Variants in ARHGAP29 observed in about 807,000 individuals in gnomAD.
ARHGAP29 encodes the protein Rho GTPase activating protein 29, also known as rho GTPase-activating protein 29.
Under a neutral mutation model 122.6 loss-of-function variants are expected in ARHGAP29, and 43 were observed. The ratio of observed to expected loss-of-function variants is 0.35; its 90% confidence interval spans 0.27 to 0.45. The LOEUF is 0.45. Among genes scored for constraint, ARHGAP29 ranks in the 20% least tolerant of loss-of-function variants. The pLI, the probability that ARHGAP29 is intolerant of heterozygous loss-of-function variation, is 1.00. For synonymous variants in ARHGAP29, 506 were observed against 497.1 expected, an observed-to-expected ratio of 1.02 and a Z score of -0.24; for missense variants, 1,303 against 1,477.2, an observed-to-expected ratio of 0.88 and a Z score of 1.93.
the ARHGAP29 span, among the ~76,000 whole-genome samples, chr1:94,314,515 C>G: frequency 1.3e-5 from 2 of 152,178 alleles, no homozygotes; most frequent in African/African-American, 2.4e-5. Context: ...TCTCCTTTCC[C>G]TCGGCTTAAG....
intron 3 of ARHGAP29, among the ~76,000 whole-genome samples, chr1:94,211,121 C>T (rs1651575797): frequency 6.6e-6 from 1 of 151,128 alleles, no homozygotes; most frequent in Non-Finnish European, 1.5e-5. Context: ...CCCATCTCTA[C>T]TAAAAATACA....
intron 1 of ARHGAP29, among the ~76,000 whole-genome samples, chr1:94,244,496 CA>C (rs34924062): frequency 0.65 from 97,835 of 151,554 alleles, 31,656 homozygotes; most frequent in Middle Eastern, 0.82. Context: ...AGGGCATCTA[CA>C]AAAAAAACCG....
chr1:94,281,967 G>A, the ARHGAP29 span, among the ~76,000 whole-genome samples: 1 of 152,088 alleles, frequency 6.6e-6, no homozygotes, highest in African/African-American at 2.4e-5. Flanking sequence ...TAGGTGTGAG[G>A]GGAACTGTAT....
upstream of ARHGAP29, chr1:94,275,117 C>G (rs1236077337): frequency 6.6e-6 from 1 of 152,204 alleles, no homozygotes; most frequent in Non-Finnish European, 1.5e-5. Flanking sequence ...TTCTAGAACT[C>G]TGAGCCTAGC....
chr1:94,171,299 G>T lies in ARHGAP29; in HGVS notation c.*2570C>A, dbSNP rs1274679587. ...GTATCAAAACAAATACACTGCCTAA[G>T]GTACACTAAAAGTAATTTAACATAC... On this transcript the variant is annotated 3_prime_UTR_variant, in exon 23 of 23. Coordinates refer to ENST00000260526, the MANE Select transcript of ARHGAP29 (RefSeq NM_004815.4). Among the ~76,000 whole-genome samples the T allele has an allele frequency of 6.6e-6, 1 of 152,014 alleles. No individual in the cohort carries two copies. The highest frequency in any genetic ancestry group is 2.4e-5 in the African/African-American group (1 of 41,370).
At chr1:94,191,635 C>A (rs950232592) in intron 12 of ARHGAP29, 7 of 152,138 alleles carry the variant, frequency 4.6e-5, no homozygotes, top group Admixed American at 3.3e-4. Flanking sequence ...GTAACTTGCA[C>A]GCTAGGTGAC....
Position 94,205,054 on chromosome 1 carries a change from A to C in ARHGAP29, c.697+7T>G, listed in dbSNP as rs1228246283. 3 of 1,555,994 alleles carry C rather than the reference A, an allele frequency of 1.9e-6. No homozygotes were observed. The highest frequency in any genetic ancestry group is 2.1e-5 in the Admixed American group (1 of 46,748). On this transcript the variant is annotated splice_region_variant and intron_variant, in intron 7 of 22. Coordinates refer to ENST00000260526, the MANE Select transcript of ARHGAP29 (RefSeq NM_004815.4). Reference sequence around the variant, plus strand: ...CTCTAAATCAGATGCTTTAAAAGGCAACTCACCCAAGTTAAGCTTTTTTTC... The same window carrying C: ...CTCTAAATCAGATGCTTTAAAAGGCCACTCACCCAAGTTAAGCTTTTTTTC...
chr1:94,276,911 A>G (rs141822640), upstream of ARHGAP29, among the ~76,000 whole-genome samples: 179 of 151,650 alleles, frequency 1.2e-3, no homozygotes, highest in African/African-American at 4.1e-3. Flanking sequence ...TATAAAATGT[A>G]TCACCTGGCT....
intron 20 of ARHGAP29, among the ~76,000 whole-genome samples, 174 bp downstream of exon 20, chr1:94,179,551 C>T (rs1649316134): frequency 7.8e-6 from 1 of 127,736 alleles, no homozygotes; most frequent in Non-Finnish European, 1.6e-5. Flanking sequence ...CGAGATTGTG[C>T]TGCTGCACCC....
the ARHGAP29 span, among the ~76,000 whole-genome samples, chr1:94,299,725 G>C: frequency 2.6e-5 from 4 of 152,072 alleles, no homozygotes; most frequent in South Asian, 8.3e-4. Context: ...GGAAAGGCTG[G>C]GTCCACCCTC....
the ARHGAP29 span, among the ~76,000 whole-genome samples, chr1:94,295,709 A>ATC: frequency 3.7e-4 from 4 of 10,708 alleles, no homozygotes; most frequent in African/African-American, 7.6e-4. Context: ...CTAATGTGGA[A>ATC]TTCTAACTCC....
At chr1:94,210,140 T>C (rs989124349) in intron 3 of ARHGAP29, among the ~76,000 whole-genome samples, 2 of 152,218 alleles carry the variant, frequency 1.3e-5, no homozygotes, top group Non-Finnish European at 2.9e-5. Flanking sequence ...GTGGAATTGG[T>C]AATTTTTTTA....
the ARHGAP29 span, among the ~76,000 whole-genome samples, chr1:94,295,090 A>T: frequency 3.3e-5 from 5 of 152,192 alleles, no homozygotes; most frequent in Non-Finnish European, 7.4e-5. Flanking sequence ...AAATTGTATT[A>T]CTAGGGGAAA....
chr1:94,204,744 A>G (rs1651087034), intron 7 of ARHGAP29, among the ~76,000 whole-genome samples: 1 of 152,130 alleles, frequency 6.6e-6, no homozygotes, highest in Non-Finnish European at 1.5e-5. Context: ...ATTGCCTTCT[A>G]CTCATACATC....
chr1:94,230,248 T>C (rs776857160), intron 2 of ARHGAP29, among the ~76,000 whole-genome samples: 35 of 151,796 alleles, frequency 2.3e-4, no homozygotes, highest in Admixed American at 2.6e-4. Flanking sequence ...ACCATTATAA[T>C]ACTTAATGTA....
intron 3 of ARHGAP29, among the ~76,000 whole-genome samples, chr1:94,216,363 G>A (rs773697174): frequency 6.6e-6 from 1 of 152,150 alleles, no homozygotes; most frequent in Non-Finnish European, 1.5e-5. Flanking sequence ...TCATGACAAT[G>A]AGCAAGGAGC....
chr1:94,312,014 T>C, the ARHGAP29 span, among the ~76,000 whole-genome samples: 2 of 152,214 alleles, frequency 1.3e-5, no homozygotes, highest in African/African-American at 2.4e-5. Context: ...AACATACAAA[T>C]GTACTGTGAT....
At chr1:94,244,295 TAA>T (rs1376792633) in intron 1 of ARHGAP29, among the ~76,000 whole-genome samples, 5 of 149,074 alleles carry the variant, frequency 3.4e-5, no homozygotes, top group Non-Finnish European at 4.5e-5. Flanking sequence ...CAACAATATA[TAA>T]AAAGGATAAT....
intron 18 of ARHGAP29, among the ~76,000 whole-genome samples, chr1:94,184,602 T>A (rs889169408): frequency 6.6e-6 from 1 of 151,456 alleles, no homozygotes; most frequent in Non-Finnish European, 1.5e-5. Flanking sequence ...TTTTTTTTTT[T>A]AATTAGCCAG....
Sources: allele counts gnomAD v4.1 joint callset (sites outside exome capture counted in the v4.1 genomes callset), GRCh38; gene constraint gnomAD v4.1.1; transcripts MANE v1.5; gene names NCBI Gene and HGNC (gene_info 2026-07-23, HGNC 2026-07-21).